The following RREB1 variants were observed in gnomAD, a reference collection of about 807,000 sequenced individuals.
RREB1 encodes the protein ras-responsive element-binding protein 1.
Under a neutral mutation model 117.8 loss-of-function variants are expected in RREB1, and 27 were observed. The ratio of observed to expected loss-of-function variants is 0.23; its 90% CI spans 0.17 to 0.32. The LOEUF (loss-of-function observed/expected upper bound fraction) is 0.32. Among genes scored for constraint, RREB1 ranks in the 10% least tolerant of loss-of-function variants. RREB1 has a pLI of 1.00. For synonymous variants in RREB1, 1,298 were observed against 1,026.7 expected (o/e 1.26, Z -5.05); for missense variants, 2,577 against 2,378.2 (o/e 1.08, Z -1.74).
intron 1 of RREB1, among the ~76,000 whole-genome samples, chr6:7,165,429 A>G (rs924681286): frequency 6.6e-6 from 1 of 152,236 alleles, no homozygotes; most frequent in African/African-American, 2.4e-5. Context: ...GGTGAGCAAG[A>G]CATGCCTCAT....
chr6:7,225,083 C>T (rs1022617659), intron 8 of RREB1, among the ~76,000 whole-genome samples: 2 of 152,198 alleles, frequency 1.3e-5, no homozygotes, highest in African/African-American at 4.8e-5. Context: ...TCGTGGCTGA[C>T]TTCGTTATCT....
chr6:7,248,838 G>T lies in RREB1; in HGVS notation c.5099G>T (p.Gly1700Val). 1 of 1,611,582 alleles carries T rather than the reference G, an allele frequency of 6.2e-7. No individual in the cohort carries two copies. Among genetic ancestry groups the T allele is most frequent in the Non-Finnish European group, 8.5e-7 (1 of 1,179,060 alleles). The change falls in exon 13 of 13, where the codon GGC becomes GTC. Residue 1700 changes from glycine to valine, a missense_variant. Physicochemically the swap from Gly to Val is moderately radical, Grantham distance 109. Transcript: ENST00000379938. Reference protein sequence around the residue: ...KVTAGWPSEPGQGDLNPESPA... With the variant: ...KVTAGWPSEPVQGDLNPESPA... ...ACGGCAGGGTGGCCGTCTGAGCCTG[G>T]CCAGGGTGACCTTAACCCAGAGAGC... is the stretch of plus-strand genomic sequence containing the variant.
At chr6:7,232,147 C>T (rs1006447588) in intron 10 of RREB1, among the ~76,000 whole-genome samples, 1 of 152,226 alleles carries the variant, frequency 6.6e-6, no homozygotes, top group Non-Finnish European at 1.5e-5. Flanking sequence ...ACTAAGTGTT[C>T]ATCCGGGGCG....
chr6:7,109,666 A>C (rs1398029021), intron 1 of RREB1, among the ~76,000 whole-genome samples: 2 of 152,212 alleles, frequency 1.3e-5, no homozygotes, highest in Non-Finnish European at 2.9e-5. Context: ...CTTGCTCAGC[A>C]GATTTGCCCT....
intron 6 of RREB1, among the ~76,000 whole-genome samples, chr6:7,197,581 A>G (rs1404150709): frequency 2.6e-5 from 4 of 152,336 alleles, no homozygotes; most frequent in Middle Eastern, 3.4e-3. Context: ...AGTTGAGTTC[A>G]CTTGAACTCA....
At chr6:7,114,351 A>T (rs1224089054) in intron 1 of RREB1, among the ~76,000 whole-genome samples, 1 of 152,112 alleles carries the variant, frequency 6.6e-6, no homozygotes, top group African/African-American at 2.4e-5. Context: ...ATGAGTTTTA[A>T]GGAAAAAGCT....
intron 1 of RREB1, among the ~76,000 whole-genome samples, chr6:7,117,395 T>G (rs13220061): frequency 0.041 from 1,103 of 26,600 alleles, 7 homozygotes; most frequent in African/African-American, 0.076. Flanking sequence ...CCTGTTTTTT[T>G]TTTTTTTTTT....
chr6:7,176,270 C>T (rs936440109), intron 1 of RREB1, among the ~76,000 whole-genome samples: 2 of 152,210 alleles, frequency 1.3e-5, no homozygotes, highest in African/African-American at 2.4e-5. Flanking sequence ...TCTGATAGCA[C>T]TAATTGCTGC....
intron 1 of RREB1, among the ~76,000 whole-genome samples, chr6:7,162,818 C>T (rs551286856): frequency 6.6e-6 from 1 of 151,860 alleles, no homozygotes; most frequent in Non-Finnish European, 1.5e-5. Flanking sequence ...AGACTGCTCC[C>T]CTTTATTTTA....
chr6:7,179,689 G>A (rs180993574), intron 2 of RREB1, among the ~76,000 whole-genome samples: 1 of 152,118 alleles, frequency 6.6e-6, no homozygotes, highest in East Asian at 1.9e-4. Context: ...AAAAAATTGT[G>A]TGTACACACT....
Position 7,230,916 on chromosome 6 carries a change from C to G in RREB1, c.2817C>G (p.Ile939Met). Reference sequence around the variant, plus strand: ...CCATGGAGCCCATCGACCTGTCCATCCCCAAGAACTTCAGGAAAGGGGACA... The same window carrying G: ...CCATGGAGCCCATCGACCTGTCCATGCCCAAGAACTTCAGGAAAGGGGACA... ...DCSMEPIDLSIPKNFRKGDKD... is the reference protein window; with the variant it reads ...DCSMEPIDLSMPKNFRKGDKD... Residue 939 changes from isoleucine (I) to methionine (M), a missense_variant, in exon 10 of 13, where the codon ATC becomes ATG. Physicochemically the swap from Ile to Met is conservative, Grantham distance 10. Transcript: ENST00000379938. 1 of 1,614,100 alleles carries G rather than the reference C, an allele frequency of 6.2e-7. No homozygotes were observed. The highest frequency in any genetic ancestry group is 1.1e-5 in the South Asian group (1 of 91,062).
intron 12 of RREB1, 43 bp downstream of exon 12, chr6:7,247,264 G>A (rs201163655): frequency 9.6e-6 from 15 of 1,557,852 alleles, no homozygotes; most frequent in Non-Finnish European, 1.2e-5. Flanking sequence ...AAGAGGAGGC[G>A]AGCCGGGCAC....
At chr6:7,175,989 C>T (rs1764480614) in intron 1 of RREB1, among the ~76,000 whole-genome samples, 1 of 152,204 alleles carries the variant, frequency 6.6e-6, no homozygotes, top group Non-Finnish European at 1.5e-5. Flanking sequence ...GCAATCTCAG[C>T]TTACTGAAAC....
intron 1 of RREB1, among the ~76,000 whole-genome samples, chr6:7,165,900 T>C (rs1763905872): frequency 6.6e-6 from 1 of 152,184 alleles, no homozygotes; most frequent in African/African-American, 2.4e-5. Context: ...AGGGGTTATC[T>C]GTTTCTCAGG....
intron 8 of RREB1, among the ~76,000 whole-genome samples, chr6:7,219,262 G>A (rs552156834): frequency 9.9e-4 from 150 of 152,152 alleles, no homozygotes; most frequent in South Asian, 1.9e-3. Context: ...CGAGTGAGAC[G>A]CTGTTTCTAA....
At chr6:7,113,003 G>T (rs1195064990) in intron 1 of RREB1, among the ~76,000 whole-genome samples, 3 of 152,232 alleles carry the variant, frequency 2.0e-5, no homozygotes, top group Admixed American at 2.0e-4. Context: ...AAGTTAGCCA[G>T]TCTGCCCATC....
In RREB1 at chr6:7,246,817, G is replaced by A. The variant is rs1769088007; in HGVS notation, c.4367G>A (p.Ser1456Asn). 2.6e-6 allele frequency: 4 copies of A among 1,553,560 alleles called. No individual in the cohort carries two copies. The highest frequency in any genetic ancestry group is 3.5e-6 in the Non-Finnish European group (4 of 1,149,008). The change falls in exon 12 of 13, where the codon AGC becomes AAC. Residue 1456 changes from serine (S) to asparagine (N), a missense_variant. Transcript: ENST00000379938. ...CTCGCCTGCGACACCTGTGGGAAGA[G>A]CTTCAAGTTCCTGGGCACCCTGAGC... ...QKLACDTCGK[S>N]FKFLGTLSRH...
intron 1 of RREB1, among the ~76,000 whole-genome samples, chr6:7,150,131 A>G (rs1377545992): frequency 6.6e-6 from 1 of 151,972 alleles, no homozygotes; most frequent in Non-Finnish European, 1.5e-5. Flanking sequence ...GTTATATATT[A>G]ATGGACATTT....
chr6:7,198,520 A>G (rs1239646878), intron 6 of RREB1, among the ~76,000 whole-genome samples: 1 of 152,218 alleles, frequency 6.6e-6, no homozygotes, highest in Non-Finnish European at 1.5e-5. Context: ...AAGGACATAA[A>G]TGTTCTGTGC....
Sources: allele counts gnomAD v4.1 joint callset (sites outside exome capture counted in the v4.1 genomes callset), GRCh38; gene constraint gnomAD v4.1.1; transcripts MANE v1.5; gene names NCBI Gene and HGNC (gene_info 2026-07-23, HGNC 2026-07-21).